Variants in FGD5 observed in about 807,000 individuals in gnomAD.
FGD5 encodes the protein FYVE, RhoGEF and PH domain-containing protein 5.
In FGD5, 28 loss-of-function variants were observed where a neutral mutation model predicts 133.4. That is an observed-to-expected ratio of 0.21 (90% confidence interval 0.16 to 0.29). The LOEUF (loss-of-function observed/expected upper bound fraction) is 0.29, where lower values mean the gene tolerates loss of function less well. Among genes scored for constraint, FGD5 ranks in the 10% least tolerant of loss-of-function variants. FGD5 has a pLI of 1.00. For missense variants in FGD5, 1,858 were observed against 1,895.2 expected (o/e 0.98, Z 0.36); for synonymous variants, 810 against 776.5 (o/e 1.04, Z -0.72).
At chr3:14,865,314 A>T (rs867078226) in intron 2 of FGD5, among the ~76,000 whole-genome samples, 1 of 152,178 alleles carries the variant, frequency 6.6e-6, no homozygotes, top group East Asian at 1.9e-4. Context: ...AAGTGAATGC[A>T]CTCAGCACAG....
chr3:14,817,282 G>C (rs1394045695), upstream of FGD5, among the ~76,000 whole-genome samples: 1 of 152,080 alleles, frequency 6.6e-6, no homozygotes, highest in Admixed American at 6.5e-5. Flanking sequence ...TGCAACCTCT[G>C]TCTCCCAGGT....
intron 1 of FGD5, among the ~76,000 whole-genome samples, chr3:14,861,791 A>T (rs2037402662): frequency 6.6e-6 from 1 of 152,162 alleles, no homozygotes; most frequent in Non-Finnish European, 1.5e-5. Context: ...TGCCCTCCCC[A>T]GGTCCCGCAG....
intron 4 of FGD5, among the ~76,000 whole-genome samples, chr3:14,889,867 A>T (rs913091773): frequency 5.9e-5 from 9 of 151,878 alleles, no homozygotes; most frequent in Middle Eastern, 3.4e-3. Context: ...CTTTTTTTTT[A>T]AAAAAATTGA....
At chr3:14,882,836 CAT>C (rs1019602841) in intron 4 of FGD5, among the ~76,000 whole-genome samples, 1 of 152,140 alleles carries the variant, frequency 6.6e-6, no homozygotes, top group African/African-American at 2.4e-5. Context: ...TAGCTAGGGA[CAT>C]GAGTCTTAAA....
intron 4 of FGD5, among the ~76,000 whole-genome samples, chr3:14,881,115 G>A (rs998518927): frequency 3.3e-5 from 5 of 152,176 alleles, no homozygotes; most frequent in Admixed American, 3.3e-4. Flanking sequence ...GTGTATGTGA[G>A]TTTGTGCACC....
At chr3:14,897,863 C>A in intron 5 of FGD5, 76 bp from the exon 6 acceptor site, 1 of 1,576,078 alleles carries the variant, frequency 6.3e-7, no homozygotes. Context: ...GGATGTGACT[C>A]CAGGCCCCCT....
chr3:14,926,094 G>A lies in FGD5; in HGVS notation c.4093G>A (p.Ala1365Thr). 1.2e-6 allele frequency: 2 copies of A among 1,613,818 alleles called. No homozygotes were observed. Among genetic ancestry groups the A allele is most frequent in the Non-Finnish European group, 1.7e-6 (2 of 1,179,788 alleles). The change falls in exon 18 of 20, where the codon GCC (alanine) becomes ACC (threonine). Residue 1365 changes from alanine (A) to threonine (T), a missense_variant. This residue lies in a region of FGD5 where 1,824 missense variants were observed against 1,848.9 expected (regional missense o/e 0.99). Transcript: ENST00000285046. The part of the protein sequence containing the change: ...TEVAASGEGS[A>T]ISGYLSRCKR... Reference sequence around the variant, plus strand: ...GGTGGCTGCCTCTGGAGAGGGCTCTGCCATCAGTGGCTATCTCAGCCGGTG... The same window carrying A: ...GGTGGCTGCCTCTGGAGAGGGCTCTACCATCAGTGGCTATCTCAGCCGGTG...
chr3:14,882,196 A>ATT, intron 4 of FGD5: 4 of 616,630 alleles, frequency 6.5e-6, no homozygotes, highest in Non-Finnish European at 8.1e-6. Context: ...TCAGTTTCCC[A>ATT]TTTTTTTTTT....
At chr3:14,893,752 C>CTTTTTTTTTTTTTTTTTTTTTTTTTTCTT (rs138741627) in intron 4 of FGD5, among the ~76,000 whole-genome samples, 2 of 95,056 alleles carry the variant, frequency 2.1e-5, no homozygotes, top group Admixed American at 1.5e-4. Context: ...TTTCTTTTTT[C>CTTTTTTTTTTTTTTTTTTTTTTTTTTCTT]TTTTTTTTTT....
chr3:14,885,577 G>T (rs1335588797), intron 4 of FGD5, among the ~76,000 whole-genome samples: 1 of 152,234 alleles, frequency 6.6e-6, no homozygotes, highest in Non-Finnish European at 1.5e-5. Flanking sequence ...GAGGCTGGCT[G>T]TTGTCCGAGA....
chr3:14,853,215 G>A (rs1282245188), intron 1 of FGD5, among the ~76,000 whole-genome samples: 2 of 152,236 alleles, frequency 1.3e-5, no homozygotes, highest in African/African-American at 4.8e-5. Flanking sequence ...AGCAGAAGGG[G>A]TCACCAGGGG....
intron 1 of FGD5, among the ~76,000 whole-genome samples, chr3:14,827,201 A>G (rs1379103486): frequency 2.0e-5 from 3 of 151,712 alleles, no homozygotes; most frequent in Non-Finnish European, 4.4e-5. Flanking sequence ...TCAGAACCCA[A>G]GTCTGTCTGA....
intron 2 of FGD5, among the ~76,000 whole-genome samples, chr3:14,868,173 G>C (rs996461667): frequency 2.6e-5 from 4 of 152,150 alleles, no homozygotes; most frequent in Non-Finnish European, 5.9e-5. Context: ...ACTCGCTGAC[G>C]TGTCGGCCCT....
chr3:14,922,298 C>T lies in FGD5; in HGVS notation c.3670-113C>T. On this transcript the variant is annotated intron_variant, in intron 14 of 19. Transcript: ENST00000285046. This position sits in a 1 kb window ranked among gnomAD's most constrained non-coding sequence, Gnocchi z 4.1. ...AGAGGCCTTTCACATCAGACCCACT[C>T]ACCCACACATCACACACCCTGCACA... The T allele has an allele frequency of 2.1e-6, 3 of 1,444,150 alleles. No homozygotes were observed. The highest frequency in any genetic ancestry group is 2.8e-5 in the African/African-American group (2 of 71,260). 89.5% of individuals were successfully genotyped at this position (1,444,150 alleles called of 1,614,324 possible).
chr3:14,931,466 G>T (rs1325919791), intron 18 of FGD5: 1 of 152,170 alleles, frequency 6.6e-6, no homozygotes, highest in Non-Finnish European at 1.5e-5. Flanking sequence ...TGGGTCTACA[G>T]GTACATGCCA....
intron 1 of FGD5, among the ~76,000 whole-genome samples, chr3:14,830,426 T>C (rs1039434443): frequency 1.3e-5 from 2 of 151,862 alleles, no homozygotes; most frequent in Non-Finnish European, 2.9e-5. Context: ...AACGCACTCA[T>C]TGTAACATTA....
intron 2 of FGD5, among the ~76,000 whole-genome samples, chr3:14,875,115 C>T (rs1462982376): frequency 6.6e-6 from 1 of 152,194 alleles, no homozygotes; most frequent in Non-Finnish European, 1.5e-5. Flanking sequence ...CCCCAGGGGA[C>T]TTGGAGACTG....
intron 1 of FGD5, among the ~76,000 whole-genome samples, chr3:14,842,097 T>A (rs1056892192): frequency 3.3e-5 from 5 of 152,224 alleles, no homozygotes; most frequent in African/African-American, 1.2e-4. Context: ...AAATGCCAAG[T>A]TGTCCTCAAA....
At chr3:14,833,626 G>A (rs910224992) in intron 1 of FGD5, among the ~76,000 whole-genome samples, 3 of 152,134 alleles carry the variant, frequency 2.0e-5, no homozygotes, top group Non-Finnish European at 2.9e-5. Context: ...TGAGGAAGCA[G>A]GTGGTCCGCT....
Sources: allele counts gnomAD v4.1 joint callset (sites outside exome capture counted in the v4.1 genomes callset), GRCh38; gene constraint gnomAD v4.1.1; regional missense constraint gnomAD v4.1.1; non-coding constraint Gnocchi (gnomAD v3.1); transcripts MANE v1.5; gene names NCBI Gene and HGNC (gene_info 2026-07-23, HGNC 2026-07-21).